PDGFD: variants seen among roughly 807,000 people sequenced by gnomAD.
The protein encoded by PDGFD is platelet derived growth factor D, also known as platelet-derived growth factor D.
A neutral mutation model predicts 44.7 loss-of-function variants in PDGFD; 30 were observed. The ratio of observed to expected loss-of-function variants is 0.67; its 90% CI spans 0.50 to 0.91. PDGFD has a LOEUF of 0.91. PDGFD is among the 40% of genes least tolerant of loss of function. The pLI is 0.00. For missense variants in PDGFD, 445 were observed against 457.8 expected (o/e 0.97, Z 0.25); for synonymous variants, 173 against 168.4 (o/e 1.03, Z -0.21).
intron 3 of PDGFD, among the ~76,000 whole-genome samples, chr11:103,987,376 T>C (rs1006572923): frequency 2.0e-5 from 3 of 152,158 alleles, no homozygotes; most frequent in African/African-American, 7.2e-5. Flanking sequence ...TGAGTCCACC[T>C]GCTAAGCACA....
rs115804391 is a variant in PDGFD, at chr11:104,046,901, C to G, written c.125-46646G>C. On this transcript the variant is annotated intron_variant, in intron 1 of 6. Coordinates refer to ENST00000393158, the MANE Select transcript of PDGFD (RefSeq NM_025208.5). ...TGCTATCCCTCCCCTAGCCCTCCACCCCCGACAGGCTCCAGTGTATGATGT... is the reference window on the plus strand; with the variant it reads ...TGCTATCCCTCCCCTAGCCCTCCACGCCCGACAGGCTCCAGTGTATGATGT... 2.2e-3 allele frequency among the ~76,000 whole-genome samples: 326 copies of G among 146,214 alleles called. 20 individuals are homozygous for G. The highest frequency in any genetic ancestry group is 7.8e-3 in the African/African-American group (314 of 40,230).
rs186249750 is a variant in PDGFD, at chr11:104,028,376, C to A, written c.125-28121G>T. On this transcript the variant is annotated intron_variant, in intron 1 of 6. Transcript: ENST00000393158. ...TGCTAGATAAATTTGCTATATCCAT[C>A]CCTACGAACACAAATTATGGCTCTT... Among the ~76,000 whole-genome samples the A allele has an allele frequency of 2.0e-5, 3 of 151,674 alleles. No individual in the cohort carries two copies. The East Asian group carries it at 5.8e-4, about 29-fold the overall frequency.
intron 1 of PDGFD, among the ~76,000 whole-genome samples, chr11:104,123,044 T>C (rs1303333931): frequency 6.6e-6 from 1 of 152,080 alleles, no homozygotes; most frequent in Non-Finnish European, 1.5e-5. Flanking sequence ...CTGGGGAGTT[T>C]GTTTTTCCTC....
chr11:104,119,375 GATATAATATATAATATGATATAATATATA>G lies in PDGFD; in HGVS notation c.124+44400_124+44428del, dbSNP rs1861718336. On this transcript the variant is annotated intron_variant, in intron 1 of 6. Transcript: ENST00000393158. ...ATATAATATATTGATATAATATATT[GATATAATATATAATATGATATAATATATA>G]ATATAATATATTGATATAATATATA... Among the ~76,000 whole-genome samples, 3 of 3,430 alleles carry G rather than the reference GATATAATATATAATATGATATAATATATA, an allele frequency of 8.7e-4. 1 individual carries two copies. The highest frequency in any genetic ancestry group is 1.2e-3 in the African/African-American group (3 of 2,444). The allele number at this position is 3,430 out of a possible 152,430, so 2.3% of individuals were successfully genotyped here. A position where few individuals can be genotyped will look rare whatever the true frequency, so the allele number is the denominator to read the frequency against.
chr11:104,089,929 A>G (rs1360956257), intron 1 of PDGFD, among the ~76,000 whole-genome samples: 2 of 152,188 alleles, frequency 1.3e-5, no homozygotes, highest in Non-Finnish European at 2.9e-5. Flanking sequence ...AAGAGATTTG[A>G]GAGCCAGTTC....
intron 1 of PDGFD, among the ~76,000 whole-genome samples, chr11:104,148,783 C>A (rs1268835185): frequency 6.6e-6 from 1 of 151,998 alleles, no homozygotes; most frequent in African/African-American, 2.4e-5. Flanking sequence ...TGTGTTGTTC[C>A]CCAATACGTG....
intron 4 of PDGFD, among the ~76,000 whole-genome samples, chr11:103,946,875 T>C (rs1591088789): frequency 6.6e-6 from 1 of 151,898 alleles, no homozygotes; most frequent in African/African-American, 2.4e-5. Context: ...TTTTAAAAAA[T>C]CCTCCAGAGA....
intron 1 of PDGFD, among the ~76,000 whole-genome samples, chr11:104,099,315 T>C (rs1861334329): frequency 6.6e-6 from 1 of 152,158 alleles, no homozygotes; most frequent in Non-Finnish European, 1.5e-5. Flanking sequence ...TTTTTCCCAA[T>C]AAATTACTAA....
At chr11:104,147,445 T>C (rs1862180456) in intron 1 of PDGFD, among the ~76,000 whole-genome samples, 1 of 152,188 alleles carries the variant, frequency 6.6e-6, no homozygotes, top group South Asian at 2.1e-4. Flanking sequence ...TCAAATTATA[T>C]GCAAATTAAT....
At chr11:104,044,290 T>C (rs1860405275) in intron 1 of PDGFD, among the ~76,000 whole-genome samples, 1 of 152,184 alleles carries the variant, frequency 6.6e-6, no homozygotes, top group Non-Finnish European at 1.5e-5. Flanking sequence ...CTAACGATCA[T>C]AAGTTTAGTG....
At chr11:104,093,149 A>G (rs1261846089) in intron 1 of PDGFD, among the ~76,000 whole-genome samples, 1 of 152,174 alleles carries the variant, frequency 6.6e-6, no homozygotes, top group Non-Finnish European at 1.5e-5. Context: ...ACAAGCTAGC[A>G]GCCCTTCTAG....
At chr11:103,999,985 C>A in intron 2 of PDGFD, 66 bp downstream of exon 2, 1 of 1,385,574 alleles carries the variant, frequency 7.2e-7, no homozygotes. Flanking sequence ...TGATACGATG[C>A]TTTAAATTCA....
intron 3 of PDGFD, among the ~76,000 whole-genome samples, chr11:103,948,880 T>C (rs936024057): frequency 1.8e-4 from 28 of 151,646 alleles, no homozygotes; most frequent in Non-Finnish European, 2.9e-5. Flanking sequence ...TGAACAAATA[T>C]TAGAAACTGA....
chr11:104,033,816 T>C (rs191542492), intron 1 of PDGFD, among the ~76,000 whole-genome samples: 4 of 152,234 alleles, frequency 2.6e-5, no homozygotes, highest in Non-Finnish European at 5.9e-5. Context: ...TCTCACATGA[T>C]AATTGTTTCC....
intron 1 of PDGFD, among the ~76,000 whole-genome samples, chr11:104,100,506 T>C (rs191335557): frequency 6.6e-5 from 10 of 152,182 alleles, no homozygotes; most frequent in African/African-American, 2.4e-4. Context: ...CAGGACCAGA[T>C]GGATTCACAG....
chr11:104,027,080 C>A (rs530974830), intron 1 of PDGFD, among the ~76,000 whole-genome samples: 77 of 152,278 alleles, frequency 5.1e-4, no homozygotes, highest in African/African-American at 1.8e-3. Context: ...CTTTCTTTAA[C>A]CTCCAAGAAC....
At chr11:104,020,396 A>G (rs558461274) in intron 1 of PDGFD, among the ~76,000 whole-genome samples, 1 of 152,292 alleles carries the variant, frequency 6.6e-6, no homozygotes, top group Non-Finnish European at 1.5e-5. Context: ...CAAATGATTT[A>G]TTGATAGGTT....
At chr11:104,157,214 C>T (rs1862319465) in intron 1 of PDGFD, among the ~76,000 whole-genome samples, 1 of 152,084 alleles carries the variant, frequency 6.6e-6, no homozygotes. Flanking sequence ...ATGAGGGCAC[C>T]AAGGATTTGG....
chr11:104,040,908 T>C (rs925976328), intron 1 of PDGFD, among the ~76,000 whole-genome samples: 4 of 152,050 alleles, frequency 2.6e-5, no homozygotes, highest in Non-Finnish European at 4.4e-5. Flanking sequence ...ATATTTTATG[T>C]ATCCCACCAA....
Sources: allele counts gnomAD v4.1 joint callset (sites outside exome capture counted in the v4.1 genomes callset), GRCh38; gene constraint gnomAD v4.1.1; transcripts MANE v1.5; gene names NCBI Gene and HGNC (gene_info 2026-07-23, HGNC 2026-07-21).